Variants in USP34 observed in about 807,000 individuals in gnomAD.
The protein encoded by USP34 is ubiquitin specific peptidase 34, also known as ubiquitin carboxyl-terminal hydrolase 34.
USP34 carries 70 observed loss-of-function variants against 460.3 expected under a neutral mutation model. That is an observed-to-expected ratio of 0.15 (90% CI 0.13 to 0.19). USP34 has a LOEUF of 0.19. Ranked by LOEUF, USP34 falls within the 10% of genes least tolerant of loss-of-function variation. USP34 has a pLI of 1.00. For missense variants in USP34, 3,985 were observed against 4,236.2 expected (o/e 0.94, Z 1.65); for synonymous variants, 1,647 against 1,405.3 (o/e 1.17, Z -3.85).
chr2:61,227,338 C>T, intron 61 of USP34, 120 bp from the exon 62 acceptor site: 3 of 1,119,792 alleles, frequency 2.7e-6, no homozygotes, highest in Non-Finnish European at 3.8e-6. Context: ...TGAAAAACAA[C>T]TGCACAAAGA....
intron 1 of USP34, among the ~76,000 whole-genome samples, chr2:61,424,751 A>AT (rs907290592): frequency 4.4e-4 from 66 of 151,370 alleles, no homozygotes; most frequent in Middle Eastern, 6.8e-3. Flanking sequence ...TATGTTCTAT[A>AT]TTTTTTTTTA....
intron 58 of USP34, among the ~76,000 whole-genome samples, chr2:61,231,688 A>G (rs1416493381): frequency 6.6e-6 from 1 of 152,066 alleles, no homozygotes; most frequent in Non-Finnish European, 1.5e-5. Flanking sequence ...CACTACAGCC[A>G]GGGTGACAGA....
rs532155687 is a variant in USP34, at chr2:61,465,846, G to A, written c.43+4804C>T. On this transcript the variant is annotated intron_variant, in intron 1 of 79. Transcript: ENST00000398571. ...CAAAAAATTAGCCGGGCGTGGTAGC[G>A]GGCGCCTGTAGTTCCAGCTCCTCGG... 3.3e-4 allele frequency among the ~76,000 whole-genome samples: 50 copies of A among 151,862 alleles called. No individual in the cohort carries two copies. In the South Asian group the frequency reaches 3.5e-3, roughly 11 times the overall value.
intron 78 of USP34, chr2:61,189,749 G>A (rs1686569141): frequency 6.6e-6 from 1 of 152,562 alleles, no homozygotes; most frequent in South Asian, 2.1e-4. Flanking sequence ...CAAATAGTAA[G>A]GTCTTCCTTA....
At chr2:61,282,716 G>C (rs1279479059) in intron 37 of USP34, among the ~76,000 whole-genome samples, 7 of 152,110 alleles carry the variant, frequency 4.6e-5, no homozygotes, top group Admixed American at 3.3e-4. Context: ...CTTGTTCCCA[G>C]GAGGTTGAGG....
chr2:61,376,180 A>C (rs911594209), intron 8 of USP34, among the ~76,000 whole-genome samples: 51 of 152,318 alleles, frequency 3.3e-4, no homozygotes, highest in African/African-American at 1.2e-3. Flanking sequence ...ATTGACTTGT[A>C]TATTTTAAAA....
intron 10 of USP34, among the ~76,000 whole-genome samples, chr2:61,352,038 T>C (rs932337023): frequency 6.6e-6 from 1 of 152,128 alleles, no homozygotes; most frequent in Non-Finnish European, 1.5e-5. Flanking sequence ...GTGTTTCAGG[T>C]TTTGGATTTT....
intron 10 of USP34, among the ~76,000 whole-genome samples, chr2:61,365,894 T>C (rs539803536): frequency 6.6e-6 from 1 of 152,220 alleles, no homozygotes; most frequent in South Asian, 2.1e-4. Flanking sequence ...AAAGTTCCCA[T>C]CAGACACAAA....
rs1396472705 is a variant in USP34, at chr2:61,301,109, C to T, written c.3970G>A (p.Val1324Ile). Reference protein sequence around the residue: ...APRRERKGEGVQLPASCLPPP... With the variant: ...APRRERKGEGIQLPASCLPPP... ...GGGAGGCAAGATGCTGGCAGCTGAACACCTTCCCCTTTCCGCTCTCTCCTT... is the reference window on the plus strand; with the variant it reads ...GGGAGGCAAGATGCTGGCAGCTGAATACCTTCCCCTTTCCGCTCTCTCCTT... Residue 1324 changes from valine to isoleucine, a missense_variant, in exon 29 of 80, where the codon GTT becomes ATT. Val to Ile is a conservative substitution (Grantham distance 29). Transcript: ENST00000398571. The T allele has an allele frequency of 3.7e-6, 6 of 1,613,940 alleles. No individual in the cohort carries two copies. The highest frequency in any genetic ancestry group is 3.3e-5 in the Admixed American group (2 of 59,986).
chr2:61,372,500 C>T (rs889146965), intron 8 of USP34, among the ~76,000 whole-genome samples: 1 of 151,970 alleles, frequency 6.6e-6, no homozygotes, highest in African/African-American at 2.4e-5. Flanking sequence ...AGACTGAGGT[C>T]GAGGGGACTG....
intron 30 of USP34, among the ~76,000 whole-genome samples, chr2:61,295,788 T>G (rs1024110964): frequency 6.6e-6 from 1 of 152,246 alleles, no homozygotes; most frequent in African/African-American, 2.4e-5. Flanking sequence ...ATTTGGCATT[T>G]TGAAGAGCCC....
intron 1 of USP34, among the ~76,000 whole-genome samples, chr2:61,459,973 A>G (rs766457195): frequency 7.9e-5 from 12 of 152,074 alleles, no homozygotes; most frequent in Non-Finnish European, 1.6e-4. Context: ...GAGGGAGGAG[A>G]ATGGCGTCAA....
chr2:61,377,771 G>A (rs1692839268), intron 8 of USP34, among the ~76,000 whole-genome samples: 2 of 152,204 alleles, frequency 1.3e-5, no homozygotes, highest in Admixed American at 1.3e-4. Flanking sequence ...GACTAAGACA[G>A]TGTACTTTCT....
chr2:61,359,791 T>TG (rs1229687203), intron 10 of USP34, among the ~76,000 whole-genome samples: 18 of 145,756 alleles, frequency 1.2e-4, no homozygotes, highest in East Asian at 1.2e-3. Context: ...TTTTTTTTTT[T>TG]TTTTTTTTTT....
intron 10 of USP34, among the ~76,000 whole-genome samples, chr2:61,353,081 C>A (rs1228132684): frequency 1.3e-5 from 2 of 152,216 alleles, no homozygotes; most frequent in Non-Finnish European, 2.9e-5. Flanking sequence ...TCCCAACCTG[C>A]CCATGCAATG....
Position 61,250,505 on chromosome 2 carries a change from G to A in USP34, c.6222-1822C>T, listed in dbSNP as rs561680553. The A allele has an allele frequency of 1.1e-3, 182 of 159,864 alleles. 1 individual carries two copies. The highest frequency in any genetic ancestry group is 2.4e-3 in the Non-Finnish European group (167 of 68,820). The allele number at this position is 159,864 out of a possible 1,614,324, so 9.9% of individuals were successfully genotyped here. A position where few individuals can be genotyped will look rare whatever the true frequency, so the allele number is the denominator to read the frequency against. On this transcript the variant is annotated intron_variant, in intron 48 of 79. Coordinates refer to ENST00000398571, the MANE Select transcript of USP34 (RefSeq NM_014709.4). ...AAACACAAACATCATGAAGAAAGAG[G>A]GCATATTCTCTGCAAAATTTCTGAA... is the stretch of plus-strand genomic sequence containing the variant.
At chr2:61,350,466 T>G in intron 11 of USP34, 77 bp from the exon 12 acceptor site, 9 of 1,566,696 alleles carry the variant, frequency 5.7e-6, no homozygotes, top group Non-Finnish European at 6.9e-6. Context: ...TTTGTCAAAC[T>G]GAAATGCCAA....
intron 33 of USP34, among the ~76,000 whole-genome samples, chr2:61,291,047 T>A (rs1391803329): frequency 2.6e-5 from 4 of 152,096 alleles, no homozygotes; most frequent in African/African-American, 9.7e-5. Flanking sequence ...GAGAAAATAT[T>A]TGTAAATCAC....
intron 20 of USP34, among the ~76,000 whole-genome samples, chr2:61,325,692 TAAG>T (rs1161287492): frequency 1.3e-5 from 2 of 152,108 alleles, no homozygotes; most frequent in Non-Finnish European, 2.9e-5. Flanking sequence ...TCAAATTACA[TAAG>T]AAAGCACACA....
Sources: allele counts gnomAD v4.1 joint callset (sites outside exome capture counted in the v4.1 genomes callset), GRCh38; gene constraint gnomAD v4.1.1; transcripts MANE v1.5; gene names NCBI Gene and HGNC (gene_info 2026-07-23, HGNC 2026-07-21).